The following TEKTIP1 variants were observed in gnomAD, a reference collection of about 807,000 sequenced individuals.
TEKTIP1 encodes the protein tektin bundle-interacting protein 1.
At chr19:3,543,214 C>G in the TEKTIP1 span, 4 of 1,538,148 alleles carry the variant, frequency 2.6e-6, no homozygotes, top group Non-Finnish European at 3.5e-6. Flanking sequence ...GGCTCAGTCT[C>G]TGCCCCCTGC....
chr19:3,543,547 C>CA, the TEKTIP1 span: 1 of 1,532,984 alleles, frequency 6.5e-7, no homozygotes, highest in South Asian at 1.2e-5. Context: ...GCCCCCGCCC[C>CA]ACCGCAGCCT....
chr19:3,543,964 C>A, the TEKTIP1 span: 5 of 1,550,430 alleles, frequency 3.2e-6, no homozygotes, highest in Non-Finnish European at 4.4e-6. Context: ...TACTGCCCCT[C>A]CACCTGCCAG....
the TEKTIP1 span, chr19:3,543,583 C>T: frequency 4.5e-6 from 7 of 1,543,656 alleles, no homozygotes; most frequent in Non-Finnish European, 5.2e-6. Flanking sequence ...GGGAGACCGC[C>T]TGGCATGACC....
At chr19:3,540,450 G>A in the TEKTIP1 span, among the ~76,000 whole-genome samples, 1 of 151,474 alleles carries the variant, frequency 6.6e-6, no homozygotes, top group Non-Finnish European at 1.5e-5. Context: ...TAGAGACGGG[G>A]TTTCACCATG....
At chr19:3,543,906 C>T in the TEKTIP1 span, 103 of 1,551,006 alleles carry the variant, frequency 6.6e-5, 1 homozygote, top group East Asian at 1.2e-3. Context: ...GGCACCCCAG[C>T]GCCCGCCCGG....
chr19:3,541,870 G>A, the TEKTIP1 span: 21 of 869,508 alleles, frequency 2.4e-5, no homozygotes, highest in African/African-American at 3.7e-5. Context: ...GTGCAGTGAC[G>A]CAATCTCGGC....
At chr19:3,541,841 C>G in the TEKTIP1 span, 1 of 962,986 alleles carries the variant, frequency 1.0e-6, no homozygotes, top group Non-Finnish European at 1.2e-6. Flanking sequence ...CAGAGTCTCG[C>G]TCTCTCACCC....
chr19:3,543,318 G>C, the TEKTIP1 span: 1 of 1,549,334 alleles, frequency 6.5e-7, no homozygotes, highest in Admixed American at 2.0e-5. Flanking sequence ...CCCATGGGAC[G>C]GGACGCAGCC....
chr19:3,539,307 C>A, the TEKTIP1 span: 18 of 1,217,660 alleles, frequency 1.5e-5, no homozygotes, highest in Non-Finnish European at 2.1e-5. Flanking sequence ...CTCCCTCCCT[C>A]CCTCCCTGGG....
the TEKTIP1 span, chr19:3,543,633 G>A: frequency 4.5e-6 from 7 of 1,544,142 alleles, no homozygotes; most frequent in South Asian, 1.2e-5. Context: ...AGCACCCGGT[G>A]GGGGAGCGCG....
the TEKTIP1 span, chr19:3,539,492 C>G: frequency 1.9e-6 from 1 of 530,428 alleles, no homozygotes; most frequent in Admixed American, 3.1e-5. Flanking sequence ...CTGCGGCCGT[C>G]TCCAAGGACT....
chr19:3,539,556 C>T, the TEKTIP1 span: 1 of 445,416 alleles, frequency 2.2e-6, no homozygotes, highest in Non-Finnish European at 4.1e-6. Context: ...GAAATCCAGG[C>T]CTGTGCGGGG....
At chr19:3,540,595 G>C in the TEKTIP1 span, among the ~76,000 whole-genome samples, 1 of 151,716 alleles carries the variant, frequency 6.6e-6, no homozygotes, top group Non-Finnish European at 1.5e-5. Flanking sequence ...AAATCAGCCA[G>C]GCAGCCAGGC....
the TEKTIP1 span, chr19:3,543,512 C>T: frequency 2.2e-5 from 34 of 1,514,924 alleles, no homozygotes; most frequent in Non-Finnish European, 2.7e-5. Flanking sequence ...GCGGGCCTGC[C>T]AGAGGGGGAC....
At chr19:3,541,525 G>A in the TEKTIP1 span, 1 of 268,922 alleles carries the variant, frequency 3.7e-6, no homozygotes, top group Non-Finnish European at 5.6e-6. Flanking sequence ...GTTTCACCAT[G>A]TTGGCCAGGC....
At chr19:3,543,958 G>A in the TEKTIP1 span, 20 of 1,550,252 alleles carry the variant, frequency 1.3e-5, no homozygotes, top group African/African-American at 2.7e-5. Flanking sequence ...GAACCATACT[G>A]CCCCTCCACC....
At chr19:3,543,227 A>G in the TEKTIP1 span, 1 of 1,541,032 alleles carries the variant, frequency 6.5e-7, no homozygotes, top group Non-Finnish European at 8.7e-7. Context: ...CCCCCTGCCC[A>G]CCCTCAGCGA....
At chr19:3,543,934 G>C in the TEKTIP1 span, 229 of 1,551,122 alleles carry the variant, frequency 1.5e-4, no homozygotes, top group African/African-American at 1.9e-3. Flanking sequence ...CAGAACTACC[G>C]GGAGTGGGTC....
At chr19:3,543,545 C>T in the TEKTIP1 span, 5 of 1,521,906 alleles carry the variant, frequency 3.3e-6, no homozygotes, top group Admixed American at 2.0e-5. Context: ...CAGCCCCCGC[C>T]CCACCGCAGC....
Sources: gnomAD v4.1 joint callset for allele counts (sites outside exome capture counted in the v4.1 genomes callset) on GRCh38, gnomAD v4.1.1 for gene constraint, MANE v1.5 for transcripts, NCBI Gene and HGNC (gene_info 2026-07-23, HGNC 2026-07-21) for gene names.